SMIM14: variants seen among roughly 807,000 people sequenced by gnomAD.
The protein encoded by SMIM14 is chromosome 4 open reading frame 34.
Under a neutral mutation model 12.6 loss-of-function variants are expected in SMIM14, and 5 were observed. The ratio of observed to expected loss-of-function variants is 0.40; its 90% CI spans 0.21 to 0.83. The LOEUF is 0.83. SMIM14 is among the 40% of genes least tolerant of loss of function. The pLI is 0.37. For missense variants in SMIM14, 86 were observed against 119.1 expected, an observed-to-expected ratio of 0.72 and a Z score of 1.29; for synonymous variants, 30 against 40.1, an observed-to-expected ratio of 0.75 and a Z score of 0.95.
At chr4:39,622,107 G>A (rs562938285) in intron 1 of SMIM14, among the ~76,000 whole-genome samples, 118 of 151,864 alleles carry the variant, frequency 7.8e-4, no homozygotes, top group Non-Finnish European at 1.2e-3. Flanking sequence ...TTTTTGAGAC[G>A]GAGTCTTGCA....
At chr4:39,624,550 G>A (rs547457908) in intron 1 of SMIM14, among the ~76,000 whole-genome samples, 6 of 152,250 alleles carry the variant, frequency 3.9e-5, no homozygotes, top group South Asian at 2.1e-4. Flanking sequence ...TTGGCCAGGC[G>A]CAGTGGCTCA....
chr4:39,548,276 C>CAA lies in SMIM14; in HGVS notation c.*3848_*3849dup, dbSNP rs1237582014. 2 of 151,720 alleles carry CAA rather than the reference C, an allele frequency of 1.3e-5. No homozygotes were observed. The highest frequency in any genetic ancestry group is 4.9e-5 in the African/African-American group (2 of 41,202). 9.4% of individuals were successfully genotyped at this position (151,720 alleles called of 1,614,324 possible). A position where few individuals can be genotyped will look rare whatever the true frequency, so the allele number is the denominator to read the frequency against. ...ACATGGAAAGCAAAACAAAACAAAACAAAACAAACAAACAAATGCAACAAA... is the reference window on the plus strand; with the variant it reads ...ACATGGAAAGCAAAACAAAACAAAACAAAAAACAAACAAACAAATGCAACAAA... On this transcript the variant is annotated 3_prime_UTR_variant, in exon 5 of 5. Transcript: ENST00000295958.
At position 39,585,053 on chromosome 4, in the gene SMIM14, A is replaced by AT. The variant is rs201732923; in HGVS notation, c.76-12591_76-12590insA. Among the ~76,000 whole-genome samples the AT allele has an allele frequency of 4.6e-3, 694 of 152,050 alleles. 12 individuals are homozygous for AT. Among genetic ancestry groups the AT allele is most frequent in the African/African-American group, 0.016 (659 of 41,410 alleles). ...TTACTGTCATTAAAGACATAACAGT[A>AT]AATGCATAGCCATACCCTATGAAAC... is the stretch of plus-strand genomic sequence containing the variant. On this transcript the variant is annotated intron_variant, in intron 2 of 4. Transcript: ENST00000295958.
Position 39,548,447 on chromosome 4 carries a change from CT to C in SMIM14, c.*3678del, listed in dbSNP as rs1407556889. On this transcript the variant is annotated 3_prime_UTR_variant, in exon 5 of 5. Transcript: ENST00000295958. Reference sequence around the variant, plus strand: ...GGGCTCAAGCAGTTCTTGCCTCAGCCTCCCAAATTGCTGGGATTACAGGCAT... The same window carrying C: ...GGGCTCAAGCAGTTCTTGCCTCAGCCCCCAAATTGCTGGGATTACAGGCAT... 2.0e-5 allele frequency: 3 copies of C among 151,992 alleles called. No homozygotes were observed. The highest frequency in any genetic ancestry group is 4.4e-5 in the Non-Finnish European group (3 of 68,010). The allele number at this position is 151,992 out of a possible 1,614,324, so 9.4% of individuals were successfully genotyped here.
At chr4:39,629,834 C>T (rs919304435) in intron 1 of SMIM14, among the ~76,000 whole-genome samples, 3 of 151,840 alleles carry the variant, frequency 2.0e-5, no homozygotes, top group African/African-American at 7.3e-5. Flanking sequence ...GATGTGTTGC[C>T]CAGGTAGGTC....
At chr4:39,616,641 T>TAAAAAAAAAAAAAAAAAA (rs5857689) in intron 1 of SMIM14, among the ~76,000 whole-genome samples, 2 of 137,264 alleles carry the variant, frequency 1.5e-5, no homozygotes, top group East Asian at 2.0e-4. Flanking sequence ...TCCTTACATT[T>TAAAAAAAAAAAAAAAAAA]AAAAAAAAAA....
intron 1 of SMIM14, among the ~76,000 whole-genome samples, chr4:39,612,301 T>C (rs745937243): frequency 6.6e-5 from 10 of 152,158 alleles, no homozygotes; most frequent in Non-Finnish European, 1.2e-4. Context: ...GTTACCCCAG[T>C]TGGAGTGCAA....
intron 2 of SMIM14, among the ~76,000 whole-genome samples, chr4:39,583,502 G>C (rs1206465635): frequency 3.9e-5 from 6 of 152,048 alleles, no homozygotes; most frequent in African/African-American, 9.7e-5. Context: ...CTGTATTACA[G>C]ATCCAAAGAT....
rs1399159194 is a variant in SMIM14, at chr4:39,546,737, C to G, written c.*5389G>C. 1 of 152,184 alleles carries G rather than the reference C, an allele frequency of 6.6e-6. No homozygotes were observed. The highest frequency in any genetic ancestry group is 1.5e-5 in the Non-Finnish European group (1 of 68,028). The allele number at this position is 152,184 out of a possible 1,614,324, so 9.4% of individuals were successfully genotyped here. ...TAAATCATAAAAAGTTGACTGTCTCCAAGAAATTGTTATTTCACAAATTTA... is the reference window on the plus strand; with the variant it reads ...TAAATCATAAAAAGTTGACTGTCTCGAAGAAATTGTTATTTCACAAATTTA... On this transcript the variant is annotated 3_prime_UTR_variant, in exon 5 of 5. Transcript: ENST00000295958.
chr4:39,574,233 CTTTCT>C (rs1713043545), intron 2 of SMIM14, among the ~76,000 whole-genome samples: 1 of 126,120 alleles, frequency 7.9e-6, no homozygotes, highest in East Asian at 2.7e-4. Flanking sequence ...GGTTCTGCAA[CTTTCT>C]TTTTTTTTTT....
chr4:39,622,024 A>G (rs549478348), intron 1 of SMIM14, among the ~76,000 whole-genome samples: 1 of 151,654 alleles, frequency 6.6e-6, no homozygotes, highest in African/African-American at 2.4e-5. Context: ...TCACAACATA[A>G]TGTTAAAAGT....
intron 2 of SMIM14, among the ~76,000 whole-genome samples, chr4:39,586,948 T>C (rs192780917): frequency 1.1e-3 from 168 of 152,076 alleles, no homozygotes; most frequent in Non-Finnish European, 2.2e-3. Flanking sequence ...CCTCACATGG[T>C]AGAGAAGAGG....
intron 1 of SMIM14, among the ~76,000 whole-genome samples, chr4:39,611,731 G>A (rs1339702811): frequency 6.6e-6 from 1 of 152,072 alleles, no homozygotes; most frequent in African/African-American, 2.4e-5. Flanking sequence ...CAAAATTTCT[G>A]TACAGCATGT....
chr4:39,616,765 G>T (rs181428685), intron 1 of SMIM14, among the ~76,000 whole-genome samples: 3,425 of 151,640 alleles, frequency 0.023, 149 homozygotes, highest in African/African-American at 0.077. Flanking sequence ...TGTACCCTTT[G>T]AAACCTCTCT....
chr4:39,587,258 A>G (rs1713826467), intron 2 of SMIM14, among the ~76,000 whole-genome samples: 1 of 151,908 alleles, frequency 6.6e-6, no homozygotes, highest in Non-Finnish European at 1.5e-5. Flanking sequence ...GCACTTTGGG[A>G]GGCCGAGGTG....
chr4:39,619,158 TTTAA>T (rs1452038400), intron 1 of SMIM14, among the ~76,000 whole-genome samples: 1 of 148,450 alleles, frequency 6.7e-6, no homozygotes, highest in East Asian at 1.9e-4. Context: ...ATAATTATAA[TTTAA>T]TTTATTATAT....
chr4:39,595,696 C>T (rs1714328612), intron 2 of SMIM14, among the ~76,000 whole-genome samples: 1 of 150,896 alleles, frequency 6.6e-6, no homozygotes, highest in South Asian at 2.1e-4. Flanking sequence ...TCAACCTCTG[C>T]CTCCTGGGCT....
At chr4:39,616,628 C>T (rs1244378039) in intron 1 of SMIM14, among the ~76,000 whole-genome samples, 1 of 138,512 alleles carries the variant, frequency 7.2e-6, no homozygotes, top group Non-Finnish European at 1.5e-5. Flanking sequence ...TCTTCCAATC[C>T]ATTCCTTACA....
chr4:39,603,966 G>A (rs1454974827), intron 2 of SMIM14, among the ~76,000 whole-genome samples: 8 of 149,524 alleles, frequency 5.4e-5, no homozygotes, highest in African/African-American at 7.4e-5. Flanking sequence ...AGCCGAGATC[G>A]CACCACCGCA....
Sources: allele counts gnomAD v4.1 joint callset (sites outside exome capture counted in the v4.1 genomes callset), GRCh38; gene constraint gnomAD v4.1.1; transcripts MANE v1.5; gene names NCBI Gene and HGNC (gene_info 2026-07-23, HGNC 2026-07-21).